The following UNC5C variants were observed in gnomAD, a reference collection of about 807,000 sequenced individuals.
UNC5C encodes the protein unc-5 netrin receptor C, also known as netrin receptor UNC5C.
A neutral mutation model predicts 99.8 loss-of-function variants in UNC5C; 47 were observed. The observed-to-expected ratio is 0.47, with a 90% confidence interval of 0.37 to 0.60. The LOEUF (loss-of-function observed/expected upper bound fraction) is 0.60, where lower values mean the gene tolerates loss of function less well. Ranked by LOEUF, UNC5C falls within the 20% of genes least tolerant of loss-of-function variation. UNC5C has a pLI of 0.00. For synonymous variants in UNC5C, 487 were observed against 452.2 expected (o/e 1.08, Z -0.98); for missense variants, 1,062 against 1,165.9 (o/e 0.91, Z 1.30).
At chr4:95,259,512 A>G (rs1217187382) in intron 4 of UNC5C, among the ~76,000 whole-genome samples, 1 of 152,210 alleles carries the variant, frequency 6.6e-6, no homozygotes, top group Non-Finnish European at 1.5e-5. Context: ...ACTCTTCAAG[A>G]TTGCACTACA....
intron 2 of UNC5C, among the ~76,000 whole-genome samples, chr4:95,308,571 G>A (rs1283810527): frequency 6.6e-6 from 1 of 151,526 alleles, no homozygotes; most frequent in Non-Finnish European, 1.5e-5. Context: ...TGGCCAAGAT[G>A]GTGAAACTCT....
rs552462942 is a variant in UNC5C, at chr4:95,309,799, G to A, written c.347-8050C>T. ...TAACAAGTGTTGGCAAAGGATATGG[G>A]GCAAAGGGAACCCTTGCACTCTGTT... On this transcript the variant is annotated intron_variant, in intron 2 of 15. Transcript: ENST00000453304. 9.9e-4 allele frequency among the ~76,000 whole-genome samples: 150 copies of A among 152,132 alleles called. 5 individuals carry two copies. The South Asian group carries it at 0.03, about 31-fold the overall frequency.
chr4:95,432,048 C>T (rs186948836), intron 1 of UNC5C, among the ~76,000 whole-genome samples: 13 of 152,132 alleles, frequency 8.5e-5, no homozygotes, highest in East Asian at 1.9e-4. Context: ...GAGGTTATGA[C>T]GCTTTGGAGA....
chr4:95,441,463 G>A (rs1746948315), intron 1 of UNC5C, among the ~76,000 whole-genome samples: 1 of 152,080 alleles, frequency 6.6e-6, no homozygotes, highest in Non-Finnish European at 1.5e-5. Flanking sequence ...AATATGCCCA[G>A]GTTGTTTTAT....
At chr4:95,518,426 A>G (rs1202860447) in intron 1 of UNC5C, among the ~76,000 whole-genome samples, 1 of 152,214 alleles carries the variant, frequency 6.6e-6, no homozygotes, top group South Asian at 2.1e-4. Flanking sequence ...CTATAATATA[A>G]ATGGAAAAAT....
chr4:95,415,545 G>A (rs967598137), intron 1 of UNC5C, among the ~76,000 whole-genome samples: 1 of 152,040 alleles, frequency 6.6e-6, no homozygotes, highest in Non-Finnish European at 1.5e-5. Context: ...TTTATTGAGG[G>A]TTGTTTATGT....
intron 7 of UNC5C, among the ~76,000 whole-genome samples, chr4:95,228,176 C>G (rs1447999391): frequency 6.6e-6 from 1 of 152,122 alleles, no homozygotes; most frequent in East Asian, 1.9e-4. Flanking sequence ...TTGAGAGTCT[C>G]AAGAATAATG....
At chr4:95,312,808 T>C (rs1048767146) in intron 2 of UNC5C, among the ~76,000 whole-genome samples, 1 of 152,142 alleles carries the variant, frequency 6.6e-6, no homozygotes, top group Non-Finnish European at 1.5e-5. Flanking sequence ...AGAAGTTCTG[T>C]AGTAAAGAAG....
At chr4:95,388,040 A>G (rs560655121) in intron 1 of UNC5C, among the ~76,000 whole-genome samples, 3 of 152,332 alleles carry the variant, frequency 2.0e-5, no homozygotes, top group African/African-American at 7.2e-5. Flanking sequence ...GCAGAGATGA[A>G]CTATTTTTAT....
intron 1 of UNC5C, among the ~76,000 whole-genome samples, chr4:95,351,213 C>T (rs1045592139): frequency 6.6e-6 from 1 of 152,050 alleles, no homozygotes; most frequent in African/African-American, 2.4e-5. Flanking sequence ...TCCTGGTTCA[C>T]TTTTCTTCCC....
chr4:95,331,463 T>G (rs1743108334), intron 2 of UNC5C, among the ~76,000 whole-genome samples: 1 of 152,216 alleles, frequency 6.6e-6, no homozygotes, highest in Admixed American at 6.5e-5. Context: ...AGGTAATACC[T>G]ACATGAGTCT....
At chr4:95,385,330 G>A (rs760968368) in intron 1 of UNC5C, among the ~76,000 whole-genome samples, 6 of 152,146 alleles carry the variant, frequency 3.9e-5, no homozygotes, top group African/African-American at 7.2e-5. Context: ...GGATAAACCC[G>A]TACTGCTGTA....
At chr4:95,266,918 G>A (rs903336506) in intron 4 of UNC5C, among the ~76,000 whole-genome samples, 7 of 152,120 alleles carry the variant, frequency 4.6e-5, no homozygotes, top group South Asian at 2.1e-4. Flanking sequence ...ACTTTCCGTA[G>A]TCATTTTCTC....
chr4:95,487,110 A>C (rs1578190312), intron 1 of UNC5C, among the ~76,000 whole-genome samples: 3 of 151,696 alleles, frequency 2.0e-5, no homozygotes, highest in East Asian at 1.9e-4. Flanking sequence ...TGAGGCAATA[A>C]ATTCATGTTC....
chr4:95,266,465 G>A (rs531042507), intron 4 of UNC5C, among the ~76,000 whole-genome samples: 2 of 152,310 alleles, frequency 1.3e-5, no homozygotes, highest in African/African-American at 4.8e-5. Context: ...AGAGCATATT[G>A]ACAGTATATG....
At chr4:95,192,978 G>A (rs1737216382) in intron 12 of UNC5C, among the ~76,000 whole-genome samples, 1 of 152,086 alleles carries the variant, frequency 6.6e-6, no homozygotes, top group Non-Finnish European at 1.5e-5. Context: ...AAACCATACA[G>A]GCTAAAGAAA....
intron 10 of UNC5C, among the ~76,000 whole-genome samples, chr4:95,215,804 G>A (rs547699088): frequency 3.9e-5 from 6 of 152,142 alleles, no homozygotes; most frequent in African/African-American, 1.4e-4. Context: ...CCATGAAGTC[G>A]ACGTCTCTGT....
chr4:95,310,228 C>A (rs1446629427), intron 2 of UNC5C, among the ~76,000 whole-genome samples: 1 of 152,020 alleles, frequency 6.6e-6, no homozygotes, highest in East Asian at 1.9e-4. Flanking sequence ...TATGTGGATT[C>A]TAAAAAAGGT....
intron 2 of UNC5C, among the ~76,000 whole-genome samples, chr4:95,314,901 C>T (rs1742416079): frequency 6.6e-6 from 1 of 152,078 alleles, no homozygotes; most frequent in South Asian, 2.1e-4. Flanking sequence ...ATATTGCAAA[C>T]ATGAAATTGT....
Sources: gnomAD v4.1 joint callset for allele counts (sites outside exome capture counted in the v4.1 genomes callset) on GRCh38, gnomAD v4.1.1 for gene constraint, MANE v1.5 for transcripts, NCBI Gene and HGNC (gene_info 2026-07-23, HGNC 2026-07-21) for gene names.